Variants in CSMD3 observed in about 807,000 individuals in gnomAD.
The protein encoded by CSMD3 is CUB and sushi domain-containing protein 3.
Under a neutral mutation model 435.2 loss-of-function variants are expected in CSMD3, and 177 were observed. That is an observed-to-expected ratio of 0.41 (90% confidence interval 0.36 to 0.46). The LOEUF (loss-of-function observed/expected upper bound fraction) is 0.46, where lower values mean the gene tolerates loss of function less well. Among genes scored for constraint, CSMD3 ranks in the 20% least tolerant of loss-of-function variants. The pLI is 0.34. For missense variants in CSMD3, 4,265 were observed against 4,504.6 expected (o/e 0.95, Z 1.52); for synonymous variants, 1,656 against 1,520.5 (o/e 1.09, Z -2.07).
At chr8:112,241,900 T>C in intron 65 of CSMD3, 115 bp from the exon 66 acceptor site, 1 of 784,654 alleles carries the variant, frequency 1.3e-6, no homozygotes. Flanking sequence ...TTTTATTCTC[T>C]GACATTTCAC....
intron 3 of CSMD3, among the ~76,000 whole-genome samples, chr8:113,175,089 A>C (rs2092328022): frequency 6.6e-6 from 1 of 151,926 alleles, no homozygotes; most frequent in African/African-American, 2.4e-5. Flanking sequence ...TGTTAATTCA[A>C]ATAATTACAA....
intron 2 of CSMD3, among the ~76,000 whole-genome samples, chr8:113,281,622 T>A (rs1263339268): frequency 2.0e-5 from 3 of 151,978 alleles, no homozygotes; most frequent in Admixed American, 1.3e-4. Flanking sequence ...TGCAGTTATG[T>A]ATCTTTTAAG....
intron 2 of CSMD3, among the ~76,000 whole-genome samples, chr8:113,298,132 A>C (rs541690046): frequency 2.6e-5 from 4 of 152,226 alleles, no homozygotes; most frequent in African/African-American, 7.2e-5. Context: ...CTATAATTAA[A>C]ATTTAATTTT....
chr8:112,813,179 C>T (rs1332562840), intron 12 of CSMD3, among the ~76,000 whole-genome samples: 1 of 152,092 alleles, frequency 6.6e-6, no homozygotes, highest in Non-Finnish European at 1.5e-5. Context: ...AAGCTGTAGG[C>T]TTTATTGAGC....
intron 3 of CSMD3, among the ~76,000 whole-genome samples, chr8:113,220,407 G>T (rs1449769811): frequency 2.6e-5 from 4 of 151,346 alleles, no homozygotes; most frequent in African/African-American, 9.7e-5. Flanking sequence ...GCATACAGGA[G>T]CTTGAATGGG....
intron 31 of CSMD3, among the ~76,000 whole-genome samples, chr8:112,487,670 G>A (rs190995562): frequency 8.7e-4 from 133 of 152,274 alleles, no homozygotes; most frequent in Admixed American, 1.2e-3. Context: ...AACTAGTTAG[G>A]AAAGAGGAAA....
chr8:112,327,921 C>T (rs1308731352), intron 45 of CSMD3, among the ~76,000 whole-genome samples: 1 of 152,094 alleles, frequency 6.6e-6, no homozygotes, highest in East Asian at 1.9e-4. Context: ...AACCCAATTC[C>T]AGAAAATAAT....
intron 3 of CSMD3, among the ~76,000 whole-genome samples, chr8:113,269,305 A>C (rs556253799): frequency 3.8e-4 from 58 of 152,260 alleles, no homozygotes; most frequent in African/African-American, 1.4e-3. Flanking sequence ...CAATGAAATA[A>C]AAGAGGATAC....
chr8:112,527,235 A>T (rs1825068001), intron 27 of CSMD3, among the ~76,000 whole-genome samples: 1 of 151,910 alleles, frequency 6.6e-6, no homozygotes, highest in East Asian at 1.9e-4. Context: ...ATATAAAGAC[A>T]CTGATAACTT....
intron 6 of CSMD3, among the ~76,000 whole-genome samples, chr8:113,009,063 T>G (rs1469755113): frequency 6.6e-6 from 1 of 151,872 alleles, no homozygotes; most frequent in East Asian, 1.9e-4. Flanking sequence ...TTTTTGCCTA[T>G]TTCTTAAACT....
At chr8:112,944,168 T>A (rs1349600196) in intron 9 of CSMD3, among the ~76,000 whole-genome samples, 1 of 151,610 alleles carries the variant, frequency 6.6e-6, no homozygotes, top group East Asian at 1.9e-4. Context: ...CATCCTCATC[T>A]CCTTATACAC....
At chr8:112,310,840 C>A in intron 50 of CSMD3, 138 bp downstream of exon 50, 1 of 741,712 alleles carries the variant, frequency 1.3e-6, no homozygotes, top group Non-Finnish European at 2.4e-6. Context: ...CAATGTTATG[C>A]CTTGTTTTTA....
intron 11 of CSMD3, among the ~76,000 whole-genome samples, chr8:112,854,866 C>G (rs1025581482): frequency 2.6e-5 from 4 of 152,064 alleles, no homozygotes; most frequent in Non-Finnish European, 4.4e-5. Context: ...CAATATCCAC[C>G]ACCATCACCT....
rs963471927 is a variant in CSMD3, at chr8:112,609,883, C to A, written c.3716-22648G>T. Among the ~76,000 whole-genome samples the A allele has an allele frequency of 9.9e-5, 15 of 152,110 alleles. 1 individual carries two copies. Among genetic ancestry groups the A allele is most frequent in the Non-Finnish European group, 1.2e-4 (8 of 67,996 alleles). On this transcript the variant is annotated intron_variant, in intron 22 of 70. Coordinates refer to ENST00000297405, the MANE Select transcript of CSMD3 (RefSeq NM_198123.2). ...CTGACTTTGCAACAACATGGATGAA[C>A]CTGCAAGACATTATGGTAAGTGAAA...
intron 22 of CSMD3, among the ~76,000 whole-genome samples, chr8:112,593,919 T>A (rs2131379142): frequency 6.6e-6 from 1 of 152,298 alleles, no homozygotes; most frequent in African/African-American, 2.4e-5. Flanking sequence ...TTTGATGTTT[T>A]TGTCTTTGGT....
intron 9 of CSMD3, among the ~76,000 whole-genome samples, chr8:112,932,076 C>T (rs1319413847): frequency 6.6e-6 from 1 of 152,086 alleles, no homozygotes; most frequent in Non-Finnish European, 1.5e-5. Flanking sequence ...ACCATAAGAA[C>T]CAGCAATCCC....
At chr8:112,315,089 T>G (rs1056681514) in intron 47 of CSMD3, among the ~76,000 whole-genome samples, 2 of 151,922 alleles carry the variant, frequency 1.3e-5, no homozygotes, top group African/African-American at 4.8e-5. Flanking sequence ...TCATTTCAAG[T>G]AAAATCATTT....
chr8:112,405,505 C>A, intron 35 of CSMD3, among the ~76,000 whole-genome samples: 1 of 151,090 alleles, frequency 6.6e-6, no homozygotes, highest in African/African-American at 2.4e-5. Context: ...TTATAATTAC[C>A]CTGAAATACT....
At chr8:113,153,033 GAAAGAAA>G in intron 4 of CSMD3, among the ~76,000 whole-genome samples, 1 of 117,370 alleles carries the variant, frequency 8.5e-6, no homozygotes, top group Non-Finnish European at 1.9e-5. Flanking sequence ...AAAGAGAAAA[GAAAGAAA>G]AAAGAAAAGA....
Sources: gnomAD v4.1 joint callset for allele counts (sites outside exome capture counted in the v4.1 genomes callset) on GRCh38, gnomAD v4.1.1 for gene constraint, MANE v1.5 for transcripts, NCBI Gene and HGNC (gene_info 2026-07-23, HGNC 2026-07-21) for gene names.